YTHDF3: variants seen among roughly 807,000 people sequenced by gnomAD.
YTHDF3 encodes YTH domain-containing family protein 3.
A neutral mutation model predicts 52.5 loss-of-function variants in YTHDF3; 9 were observed. That is an observed-to-expected ratio of 0.17 (90% CI 0.10 to 0.30). The LOEUF is 0.30. Among genes scored for constraint, YTHDF3 ranks in the 10% least tolerant of loss-of-function variants. The pLI is 1.00. For synonymous variants in YTHDF3, 274 were observed against 243.3 expected (o/e 1.13, Z -1.18); for missense variants, 534 against 715.0 (o/e 0.75, Z 2.89).
chr8:63,201,154 CT>C (rs1335572061), intron 4 of YTHDF3, among the ~76,000 whole-genome samples: 1 of 152,108 alleles, frequency 6.6e-6, no homozygotes, highest in African/African-American at 2.4e-5. Context: ...TGAAGTGTCA[CT>C]TTAGAAATAT....
chr8:63,197,924 C>G (rs1281306829), intron 4 of YTHDF3, among the ~76,000 whole-genome samples: 1 of 152,116 alleles, frequency 6.6e-6, no homozygotes, highest in Non-Finnish European at 1.5e-5. Flanking sequence ...ATTTAAATCC[C>G]CCTGTATTCC....
At chr8:63,194,235 G>T (rs968210526) in intron 4 of YTHDF3, among the ~76,000 whole-genome samples, 1 of 151,878 alleles carries the variant, frequency 6.6e-6, no homozygotes, top group Non-Finnish European at 1.5e-5. Context: ...TGCAATCCCA[G>T]CATTTCGGGA....
At chr8:63,189,548 G>A (rs1432603492) in intron 4 of YTHDF3, among the ~76,000 whole-genome samples, 1 of 152,186 alleles carries the variant, frequency 6.6e-6, no homozygotes, top group East Asian at 1.9e-4. Flanking sequence ...TAAAATCAGT[G>A]ATTGTTTCTG....
At chr8:63,187,843 C>A in intron 4 of YTHDF3, 98 bp downstream of exon 4, 2 of 1,324,300 alleles carry the variant, frequency 1.5e-6, no homozygotes, top group South Asian at 1.6e-5. Context: ...TGAAGGAAAC[C>A]AACTACTTAA....
chr8:63,196,115 G>T (rs1809221252), intron 4 of YTHDF3, among the ~76,000 whole-genome samples: 1 of 151,962 alleles, frequency 6.6e-6, no homozygotes, highest in Non-Finnish European at 1.5e-5. Context: ...TTAAAAATTA[G>T]CCAAGTGTGG....
intron 3 of YTHDF3, among the ~76,000 whole-genome samples, chr8:63,182,932 A>G (rs1808241681): frequency 6.6e-6 from 1 of 151,370 alleles, no homozygotes; most frequent in African/African-American, 2.4e-5. Flanking sequence ...TAAAAAAAGG[A>G]TGAAGACAGT....
intron 4 of YTHDF3, among the ~76,000 whole-genome samples, chr8:63,203,279 G>T (rs1421233563): frequency 2.6e-5 from 4 of 151,222 alleles, no homozygotes; most frequent in Admixed American, 2.6e-4. Flanking sequence ...ATATTCCCTG[G>T]CTTTAAACTT....
Position 63,186,400 on chromosome 8 carries a change from A to G in YTHDF3, c.389A>G (p.Asn130Ser). The change falls in exon 4 of 5, where the codon AAT becomes AGT. Residue 130 changes from asparagine to serine, a missense_variant. Around this residue, in one of 3 missense-constraint regions of YTHDF3, gnomAD observed 196 missense variants for 299.5 expected, o/e 0.65. Transcript: ENST00000539294. ...CATGGATTTAACTTTTTTCCTGGTA[A>G]TGCTGATTTCTCTACATGGGGGACA... ...GQHGFNFFPG[N>S]ADFSTWGTSG... 1 of 1,613,994 alleles carries G rather than the reference A, an allele frequency of 6.2e-7. No individual in the cohort carries two copies. The highest frequency in any genetic ancestry group is 8.5e-7 in the Non-Finnish European group (1 of 1,179,890).
Position 63,187,120 on chromosome 8 carries a change from C to G in YTHDF3, c.1109C>G (p.Ala370Gly). Residue 370 changes from alanine (A) to glycine (G), a missense_variant, in exon 4 of 5, where the codon GCG (alanine) becomes GGG (glycine). Transcript: ENST00000539294. The stretch of plus-strand genomic sequence containing the variant: ...GCAGGCTTCAACCAGAACAATGGAG[C>G]GGGCAGTGAAAACTTTGGTTTAGGT... ...RGAGFNQNNG[A>G]GSENFGLGVV... 1.2e-6 allele frequency: 2 copies of G among 1,613,842 alleles called. No individual in the cohort carries two copies. The highest frequency in any genetic ancestry group is 1.7e-6 in the Non-Finnish European group (2 of 1,179,830).
At position 63,211,663 on chromosome 8, in the gene YTHDF3, C is replaced by T. The variant is rs753964438; in HGVS notation, c.*1957C>T. The T allele has an allele frequency of 6.6e-6, 1 of 152,458 alleles. No individual in the cohort carries two copies. Among genetic ancestry groups the T allele is most frequent in the Non-Finnish European group, 1.5e-5 (1 of 67,982 alleles). The allele number at this position is 152,458 out of a possible 1,614,324, so 9.4% of individuals were successfully genotyped here. ...TTTATAAAACTAGTTACATTATAAA[C>T]GGTTTCAAACATGTTTAATTTACAT... On this transcript the variant is annotated 3_prime_UTR_variant, in exon 5 of 5. Coordinates refer to ENST00000539294, the MANE Select transcript of YTHDF3 (RefSeq NM_152758.6).
chr8:63,172,357 T>C (rs888934074), intron 2 of YTHDF3, among the ~76,000 whole-genome samples: 1 of 152,192 alleles, frequency 6.6e-6, no homozygotes, highest in Non-Finnish European at 1.5e-5. Flanking sequence ...AGCAAATTCA[T>C]GGAACAGGAT....
rs1273712405 is a variant in YTHDF3, at chr8:63,211,758, G to A, written c.*2052G>A. The A allele has an allele frequency of 2.0e-5, 3 of 152,502 alleles. No individual in the cohort carries two copies. The highest frequency in any genetic ancestry group is 2.4e-5 in the African/African-American group (1 of 41,420). The allele number at this position is 152,502 out of a possible 1,614,324, so 9.4% of individuals were successfully genotyped here. A position where few individuals can be genotyped will look rare whatever the true frequency, so the allele number is the denominator to read the frequency against. On this transcript the variant is annotated 3_prime_UTR_variant, in exon 5 of 5. Transcript: ENST00000539294. ...CTGATTGCAATAGACTCAGACATGC[G>A]AATAAATGTAATTGAGAGTCTATTC... is the stretch of plus-strand genomic sequence containing the variant.
intron 4 of YTHDF3, among the ~76,000 whole-genome samples, chr8:63,201,503 G>GT (rs760491277): frequency 1.6e-4 from 25 of 152,024 alleles, no homozygotes; most frequent in Non-Finnish European, 3.4e-4. Flanking sequence ...CTTACTGTTG[G>GT]TCTCTAGTTA....
rs1168912169 is a variant in YTHDF3 at position 63,210,857 on chromosome 8, C to G, written c.*1151C>G. The G allele has an allele frequency of 1.3e-5, 2 of 152,416 alleles. No individual in the cohort carries two copies. Among genetic ancestry groups the G allele is most frequent in the Non-Finnish European group, 2.9e-5 (2 of 67,958 alleles). 9.4% of individuals were successfully genotyped at this position (152,416 alleles called of 1,614,324 possible). On this transcript the variant is annotated 3_prime_UTR_variant, in exon 5 of 5. Coordinates refer to ENST00000539294, the MANE Select transcript of YTHDF3 (RefSeq NM_152758.6). ...CTTATTTTTTTCATTAATTACATATCAACATTAATTTTGTATCTTGAAGCA... is the reference window on the plus strand; with the variant it reads ...CTTATTTTTTTCATTAATTACATATGAACATTAATTTTGTATCTTGAAGCA...
At chr8:63,203,242 C>CAA (rs372725205) in intron 4 of YTHDF3, among the ~76,000 whole-genome samples, 3,715 of 128,838 alleles carry the variant, frequency 0.029, 144 homozygotes, top group African/African-American at 0.089. Flanking sequence ...AACTCTGTCT[C>CAA]AAAAAAAAAA....
intron 2 of YTHDF3, among the ~76,000 whole-genome samples, chr8:63,173,202 T>TATATATATATATA (rs1554533375): frequency 8.7e-5 from 11 of 125,916 alleles, no homozygotes; most frequent in East Asian, 8.0e-4. Context: ...AGGATTATAT[T>TATATATATATATA]TATATATATA....
chr8:63,168,714 T>G lies in YTHDF3; in HGVS notation c.-164T>G. Reference sequence around the variant, plus strand: ...CAAGCGGAAAAGACGGGCCTCTTCCTCCGACTCCCGAGCGCGAGGCCCTCA... The same window carrying G: ...CAAGCGGAAAAGACGGGCCTCTTCCGCCGACTCCCGAGCGCGAGGCCCTCA... On this transcript the variant is annotated 5_prime_UTR_variant, in exon 1 of 5. Transcript: ENST00000539294. 1 of 1,398,884 alleles carries G rather than the reference T, an allele frequency of 7.1e-7. No individual in the cohort carries two copies. Among genetic ancestry groups the G allele is most frequent in the South Asian group, 1.3e-5 (1 of 78,886 alleles). 86.7% of individuals were successfully genotyped at this position (1,398,884 alleles called of 1,614,324 possible).
rs1281614122 is a variant in YTHDF3 at position 63,182,633 on chromosome 8, A to G, written c.136-3514A>G. Among the ~76,000 whole-genome samples, 6 of 152,258 alleles carry G rather than the reference A, an allele frequency of 3.9e-5. No individual in the cohort carries two copies. The South Asian group carries it at 6.2e-4, about 16-fold the overall frequency. Reference sequence around the variant, plus strand: ...TAAAGAATTAACATAAAAACTTCCTACTTTGTGTGCTTTTCCACTCCCACA... The same window carrying G: ...TAAAGAATTAACATAAAAACTTCCTGCTTTGTGTGCTTTTCCACTCCCACA... On this transcript the variant is annotated intron_variant, in intron 3 of 4. Transcript: ENST00000539294.
chr8:63,208,153 T>C (rs1810155963), intron 4 of YTHDF3, among the ~76,000 whole-genome samples: 1 of 152,222 alleles, frequency 6.6e-6, no homozygotes, highest in African/African-American at 2.4e-5. Flanking sequence ...CCGATACTCG[T>C]TAGTCTATGA....
Sources: allele counts gnomAD v4.1 joint callset (sites outside exome capture counted in the v4.1 genomes callset), GRCh38; gene constraint gnomAD v4.1.1; regional missense constraint gnomAD v4.1.1; transcripts MANE v1.5; gene names NCBI Gene and HGNC (gene_info 2026-07-23, HGNC 2026-07-21).